The following TOM1L2 variants were observed in gnomAD, a reference collection of about 807,000 sequenced individuals.
The protein encoded by TOM1L2 is target of myb1 like 2 membrane trafficking protein.
Under a neutral mutation model 67.9 loss-of-function variants are expected in TOM1L2, and 31 were observed. The ratio of observed to expected loss-of-function variants is 0.46; its 90% confidence interval spans 0.34 to 0.62. The LOEUF (loss-of-function observed/expected upper bound fraction) is 0.62. Among genes scored for constraint, TOM1L2 ranks in the 20% least tolerant of loss-of-function variants. The pLI, the probability that TOM1L2 is intolerant of heterozygous loss-of-function variation, is 0.01. For missense variants in TOM1L2, 606 were observed against 663.5 expected (o/e 0.91, Z 0.95); for synonymous variants, 256 against 254.0 (o/e 1.01, Z -0.07).
chr17:17,955,929 T>C (rs1598405579), intron 1 of TOM1L2, among the ~76,000 whole-genome samples: 1 of 152,308 alleles, frequency 6.6e-6, no homozygotes, highest in East Asian at 1.9e-4. Context: ...TCTGAAGTTG[T>C]TCGCTCCTAC....
intron 4 of TOM1L2, among the ~76,000 whole-genome samples, chr17:17,892,780 A>G (rs185496957): frequency 2.6e-5 from 4 of 152,328 alleles, no homozygotes; most frequent in Admixed American, 1.3e-4. Flanking sequence ...CAAATAGAAT[A>G]TAACAGAAAA....
At chr17:17,871,174 T>C (rs948288300) in intron 7 of TOM1L2, among the ~76,000 whole-genome samples, 1 of 149,838 alleles carries the variant, frequency 6.7e-6, no homozygotes, top group Non-Finnish European at 1.5e-5. Flanking sequence ...ATCGAGACCA[T>C]CCTGGCTAAT....
In TOM1L2 at chr17:17,896,512, C is replaced by A. The variant is rs548647791; in HGVS notation, c.216+2084G>T. ...GTGTCCCAGCCTGGTCTTGGAAGTGCCCTGGACAGAGATGCATGTGCCACA... is the reference window on the plus strand; with the variant it reads ...GTGTCCCAGCCTGGTCTTGGAAGTGACCTGGACAGAGATGCATGTGCCACA... On this transcript the variant is annotated intron_variant, in intron 3 of 14. Coordinates refer to ENST00000379504, the MANE Select transcript of TOM1L2 (RefSeq NM_001082968.2). Among the ~76,000 whole-genome samples, 235 of 152,248 alleles carry A rather than the reference C, an allele frequency of 1.5e-3. 3 individuals are homozygous for A. The highest frequency in any genetic ancestry group is 6.8e-4 in the Non-Finnish European group (46 of 68,028).
At position 17,931,921 on chromosome 17, in the gene TOM1L2, T is replaced by C. The variant is rs116438132; in HGVS notation, c.53-24390A>G. Among the ~76,000 whole-genome samples the C allele has an allele frequency of 2.8e-3, 426 of 152,268 alleles. 3 individuals carry two copies. The highest frequency in any genetic ancestry group is 9.8e-3 in the African/African-American group (409 of 41,540). On this transcript the variant is annotated intron_variant, in intron 1 of 14. Coordinates refer to ENST00000379504, the MANE Select transcript of TOM1L2 (RefSeq NM_001082968.2). ...CAAATCACATTAATATAACCCGAGG[T>C]GGCCACCTTACCCAAAGATCTCATC...
chr17:17,932,753 T>C (rs1598363053), intron 1 of TOM1L2, among the ~76,000 whole-genome samples: 1 of 152,144 alleles, frequency 6.6e-6, no homozygotes, highest in Admixed American at 6.5e-5. Flanking sequence ...GTTAATACTA[T>C]TAATAAATAT....
chr17:17,873,624 G>A (rs899965971), intron 7 of TOM1L2, among the ~76,000 whole-genome samples: 2 of 152,258 alleles, frequency 1.3e-5, no homozygotes, highest in African/African-American at 4.8e-5. Flanking sequence ...CTGATGGAAG[G>A]GAGCAGGGGT....
At chr17:17,909,121 C>T (rs1406794773) in intron 1 of TOM1L2, among the ~76,000 whole-genome samples, 1 of 152,208 alleles carries the variant, frequency 6.6e-6, no homozygotes, top group East Asian at 1.9e-4. Context: ...GCGGAGCTTG[C>T]AGTGAGCCAA....
At chr17:17,864,212 A>ATTT (rs371634438) in intron 10 of TOM1L2, among the ~76,000 whole-genome samples, 5 of 137,604 alleles carry the variant, frequency 3.6e-5, no homozygotes, top group Admixed American at 7.3e-5. Context: ...ATCCAATTTG[A>ATTT]TTTTTTTTTT....
At chr17:17,945,922 G>A (rs565619229) in intron 1 of TOM1L2, among the ~76,000 whole-genome samples, 4 of 152,232 alleles carry the variant, frequency 2.6e-5, no homozygotes, top group African/African-American at 9.6e-5. Context: ...AGGCTGGAGT[G>A]CAGTGGCACA....
chr17:17,872,049 G>C, intron 7 of TOM1L2: 5 of 985,466 alleles, frequency 5.1e-6, no homozygotes, highest in Non-Finnish European at 6.0e-6. Flanking sequence ...GGGCCTGCCA[G>C]ACGTGGTCTG....
At chr17:17,932,394 T>G (rs761031922) in intron 1 of TOM1L2, among the ~76,000 whole-genome samples, 2 of 152,196 alleles carry the variant, frequency 1.3e-5, no homozygotes, top group African/African-American at 2.4e-5. Flanking sequence ...CCTTCCAAAG[T>G]GCTGGGATTA....
At chr17:17,954,510 G>A (rs1409415380) in intron 1 of TOM1L2, among the ~76,000 whole-genome samples, 5 of 152,014 alleles carry the variant, frequency 3.3e-5, no homozygotes, top group African/African-American at 1.2e-4. Flanking sequence ...ACGGGGTTTC[G>A]CCATGTTGGC....
In TOM1L2 at chr17:17,972,189, G is replaced by A. The variant is rs557161834; in HGVS notation, c.52+73C>T. ...TCGTGAAGTGGCACCGGCGCCCGGC[G>A]GAGGCCCGCGGTCCTCACCAGCCGG... On this transcript the variant is annotated intron_variant, in intron 1 of 14. Coordinates refer to ENST00000379504, the MANE Select transcript of TOM1L2 (RefSeq NM_001082968.2). 794 of 1,527,608 alleles carry A rather than the reference G, an allele frequency of 5.2e-4. 8 individuals are homozygous for A. Among genetic ancestry groups the A allele is most frequent in the South Asian group, 5.2e-3 (431 of 83,284 alleles). The allele number at this position is 1,527,608 out of a possible 1,614,324, so 94.6% of individuals were successfully genotyped here. A position where few individuals can be genotyped will look rare whatever the true frequency, so the allele number is the denominator to read the frequency against.
intron 6 of TOM1L2, 100 bp from the exon 7 acceptor site, chr17:17,879,843 C>G: frequency 9.8e-7 from 1 of 1,025,222 alleles, no homozygotes; most frequent in Non-Finnish European, 1.5e-6. Flanking sequence ...GACAATCCTT[C>G]TCACTGGGAG....
chr17:17,969,279 A>G (rs574390412), intron 1 of TOM1L2, among the ~76,000 whole-genome samples: 3 of 151,152 alleles, frequency 2.0e-5, no homozygotes, highest in Non-Finnish European at 3.0e-5. Context: ...CTGGCCTCCA[A>G]CTCCTGACCT....
At chr17:17,956,824 C>T (rs923005795) in intron 1 of TOM1L2, among the ~76,000 whole-genome samples, 5 of 152,222 alleles carry the variant, frequency 3.3e-5, no homozygotes, top group South Asian at 4.1e-4. Flanking sequence ...AAGCGCCACG[C>T]GCAGCCCGGT....
intron 1 of TOM1L2, among the ~76,000 whole-genome samples, chr17:17,968,387 C>G (rs1193398912): frequency 6.6e-6 from 1 of 152,134 alleles, no homozygotes; most frequent in Non-Finnish European, 1.5e-5. Context: ...AGTCTTTGGG[C>G]CGGGCGCAAT....
intron 9 of TOM1L2, 29 bp from the exon 10 acceptor site, chr17:17,866,448 C>T (rs1324919314): frequency 6.4e-7 from 1 of 1,561,508 alleles, no homozygotes. Context: ...GGCCATAAGC[C>T]CCAGAACCCT....
chr17:17,868,076 T>C (rs1474075074), intron 8 of TOM1L2, among the ~76,000 whole-genome samples: 1 of 152,192 alleles, frequency 6.6e-6, no homozygotes, highest in Non-Finnish European at 1.5e-5. Flanking sequence ...CCTGTTATGC[T>C]TTCTAGCAGG....
Sources: gnomAD v4.1 joint callset for allele counts (sites outside exome capture counted in the v4.1 genomes callset) on GRCh38, gnomAD v4.1.1 for gene constraint, MANE v1.5 for transcripts, NCBI Gene and HGNC (gene_info 2026-07-23, HGNC 2026-07-21) for gene names.